Variants in ADGRB1 observed in about 807,000 individuals in gnomAD.
The protein encoded by ADGRB1 is brain-specific angiogenesis inhibitor 1.
Under a neutral mutation model 175.7 loss-of-function variants are expected in ADGRB1, and 36 were observed. That is an observed-to-expected ratio of 0.20 (90% confidence interval 0.16 to 0.27). ADGRB1 has a LOEUF of 0.27. Ranked by LOEUF, ADGRB1 falls within the 10% of genes least tolerant of loss-of-function variation. The pLI is 1.00. For missense variants in ADGRB1, 1,731 were observed against 2,255.3 expected (o/e 0.77, Z 4.71); for synonymous variants, 1,054 against 979.4 (o/e 1.08, Z -1.42).
chr8:142,462,626 C>A (rs930174356), intron 1 of ADGRB1, among the ~76,000 whole-genome samples: 1 of 152,254 alleles, frequency 6.6e-6, no homozygotes. Context: ...CCTTGTCTTG[C>A]CAGCCAGCTG....
intron 19 of ADGRB1, among the ~76,000 whole-genome samples, chr8:142,519,663 A>G (rs1303989665): frequency 5.6e-4 from 61 of 109,476 alleles, no homozygotes; most frequent in Admixed American, 2.7e-3. Flanking sequence ...GGTGATGATG[A>G]TGGTAGTGGT....
chr8:142,512,850 G>A (rs1377467030), intron 18 of ADGRB1, among the ~76,000 whole-genome samples: 1 of 152,194 alleles, frequency 6.6e-6, no homozygotes, highest in Non-Finnish European at 1.5e-5. Flanking sequence ...GGGCTGAAGG[G>A]GGTGCCCCTG....
At chr8:142,479,953 C>T (rs1336657746) in intron 9 of ADGRB1, among the ~76,000 whole-genome samples, 159 bp downstream of exon 9, 1 of 152,230 alleles carries the variant, frequency 6.6e-6, no homozygotes, top group Non-Finnish European at 1.5e-5. Flanking sequence ...GCCCAGGGCA[C>T]CGTGTGAGAA....
chr8:142,524,344 TG>T (rs756258137), intron 23 of ADGRB1, 40 bp downstream of exon 23: 2 of 1,546,354 alleles, frequency 1.3e-6, no homozygotes, highest in South Asian at 2.4e-5. Context: ...CGACCCCACC[TG>T]GGCCCCCCAC....
intron 17 of ADGRB1, among the ~76,000 whole-genome samples, chr8:142,498,928 G>A (rs7386201): frequency 0.62 from 94,812 of 152,128 alleles, 32,671 homozygotes; most frequent in East Asian, 0.8. Context: ...AGACCTCTGT[G>A]CCACTGCCTC....
intron 24 of ADGRB1, among the ~76,000 whole-genome samples, chr8:142,529,061 G>C (rs574412270): frequency 6.6e-6 from 1 of 152,378 alleles, no homozygotes; most frequent in South Asian, 2.1e-4. Context: ...GATGGCTGAT[G>C]CCTGGGCAGG....
chr8:142,542,623 C>A lies in ADGRB1; in HGVS notation c.4389C>A (p.Ala1463=). The A allele has an allele frequency of 6.4e-7, 1 of 1,552,370 alleles. No homozygotes were observed. The highest frequency in any genetic ancestry group is 1.9e-5 in the Admixed American group (1 of 51,808). The change falls in exon 28 of 31, where the codon GCC becomes GCA. Residue 1463 remains alanine (A), a synonymous_variant. Transcript: ENST00000517894. This position sits in a 1 kb window ranked among gnomAD's most constrained non-coding sequence, Gnocchi z 6.3. The part of the protein sequence containing the change: ...TGPSTKNENV[A]TLSVSSLERR... ...CCAGCACCAAGAACGAGAATGTCGCCACCTTGTCTGTGAGCTCCCTGGAGG... is the reference window on the plus strand; with the variant it reads ...CCAGCACCAAGAACGAGAATGTCGCAACCTTGTCTGTGAGCTCCCTGGAGG...
intron 27 of ADGRB1, among the ~76,000 whole-genome samples, chr8:142,541,394 A>G (rs998995342): frequency 1.3e-5 from 2 of 152,104 alleles, no homozygotes; most frequent in Admixed American, 6.5e-5. Context: ...GGCGGCCCTC[A>G]GGGCAGAGCA....
At position 142,466,188 on chromosome 8, in the gene ADGRB1, C is replaced by A. The variant is rs541498272; in HGVS notation, c.784+1206C>A. On this transcript the variant is annotated intron_variant, in intron 2 of 30. Coordinates refer to ENST00000517894, the MANE Select transcript of ADGRB1 (RefSeq NM_001702.3). Reference sequence around the variant, plus strand: ...ATACATCGGGTGTTCGGGGGTGAGGCTGGGCTGTATACTCAAGGCTGGAGG... The same window carrying A: ...ATACATCGGGTGTTCGGGGGTGAGGATGGGCTGTATACTCAAGGCTGGAGG... Among the ~76,000 whole-genome samples, 6 of 152,238 alleles carry A rather than the reference C, an allele frequency of 3.9e-5. No homozygotes were observed. The South Asian group carries it at 1.2e-3, about 32-fold the overall frequency.
At chr8:142,469,665 G>A (rs998517773) in intron 2 of ADGRB1, among the ~76,000 whole-genome samples, 39 of 151,616 alleles carry the variant, frequency 2.6e-4, no homozygotes, top group African/African-American at 9.5e-4. Flanking sequence ...GCAAGTGCGT[G>A]TGTGTGCACG....
At chr8:142,466,454 G>A (rs1366385729) in intron 2 of ADGRB1, among the ~76,000 whole-genome samples, 1 of 152,226 alleles carries the variant, frequency 6.6e-6, no homozygotes, top group Non-Finnish European at 1.5e-5. Flanking sequence ...AGGAAGGAGG[G>A]ACAGGCGTGA....
chr8:142,465,046 A>C, intron 2 of ADGRB1, 64 bp downstream of exon 2: 3 of 274,260 alleles, frequency 1.1e-5, no homozygotes, highest in Non-Finnish European at 1.6e-5. Flanking sequence ...GCGGGCAGAC[A>C]GGGGAGGCGG....
At position 142,511,869 on chromosome 8, in the gene ADGRB1, C is replaced by T. The variant is rs1481444354; in HGVS notation, c.2817+796C>T. ...CCTTGGGCGTGTGCTCACCAAGTAA[C>T]CTCCGCCCAGACCTCGTGTGGAAGC... On this transcript the variant is annotated intron_variant, in intron 18 of 30. Transcript: ENST00000517894. This position sits in a 1 kb window ranked among gnomAD's most constrained non-coding sequence, Gnocchi z 4.5. Among the ~76,000 whole-genome samples the T allele has an allele frequency of 3.3e-5, 5 of 152,210 alleles. No individual in the cohort carries two copies. Among genetic ancestry groups the T allele is most frequent in the Non-Finnish European group, 7.3e-5 (5 of 68,030 alleles).
At chr8:142,486,154 C>G (rs995032630) in intron 13 of ADGRB1, among the ~76,000 whole-genome samples, 7 of 152,220 alleles carry the variant, frequency 4.6e-5, no homozygotes, top group African/African-American at 1.4e-4. Context: ...CAGCTGTGCT[C>G]AGCCTCACTC....
At chr8:142,500,489 G>A (rs1268949896) in intron 17 of ADGRB1, among the ~76,000 whole-genome samples, 1 of 150,896 alleles carries the variant, frequency 6.6e-6, no homozygotes, top group Non-Finnish European at 1.5e-5. Flanking sequence ...GAGGGCATGT[G>A]GAGGGGCGGC....
At chr8:142,472,389 G>C (rs895488157) in intron 2 of ADGRB1, among the ~76,000 whole-genome samples, 1 of 152,178 alleles carries the variant, frequency 6.6e-6, no homozygotes, top group Non-Finnish European at 1.5e-5. Flanking sequence ...GGCATTGAGT[G>C]GGGGAAGAAA....
intron 19 of ADGRB1, among the ~76,000 whole-genome samples, chr8:142,518,500 C>T (rs1159092001): frequency 1.3e-5 from 2 of 152,166 alleles, no homozygotes. Context: ...CTCCCCTGAA[C>T]GTGCCCCCTT....
At position 142,464,397 on chromosome 8, in the gene ADGRB1, C is replaced by T. The variant is rs1266484333; in HGVS notation, c.199C>T (p.Arg67Cys). ...AAAVFPANAS[R>C]CSWTLRNPDP... ...CGCCGTGTTCCCGGCCAACGCCTCG[C>T]GCTGCTCCTGGACGCTACGCAACCC... Residue 67 changes from arginine to cysteine, a missense_variant, in exon 2 of 31, where the codon CGC (arginine) becomes TGC (cysteine). By Grantham distance (180) the Arg-to-Cys change is radical (BLOSUM62 -3). Around this residue, in one of 8 missense-constraint regions of ADGRB1, gnomAD observed 383 missense variants for 383.1 expected, o/e 1.00. Coordinates refer to ENST00000517894, the MANE Select transcript of ADGRB1 (RefSeq NM_001702.3). 1 of 1,530,598 alleles carries T rather than the reference C, an allele frequency of 6.5e-7. No homozygotes were observed. The highest frequency in any genetic ancestry group is 1.4e-5 in the African/African-American group (1 of 70,432). 94.8% of individuals were successfully genotyped at this position (1,530,598 alleles called of 1,614,324 possible).
rs13267277 is a variant in ADGRB1 at position 142,524,109 on chromosome 8, G to C, written c.3246-129G>C. 4.9e-6 allele frequency: 5 copies of C among 1,019,476 alleles called. No individual in the cohort carries two copies. The East Asian group carries it at 7.8e-5, about 16-fold the overall frequency. 63.2% of individuals were successfully genotyped at this position (1,019,476 alleles called of 1,614,324 possible). ...GTGGGTGTGACCTGCCCTGCATGCCGAAGGCGCTTAATAAGTGCCAGTTTT... is the reference window on the plus strand; with the variant it reads ...GTGGGTGTGACCTGCCCTGCATGCCCAAGGCGCTTAATAAGTGCCAGTTTT... On this transcript the variant is annotated intron_variant, in intron 22 of 30. Transcript: ENST00000517894.
Sources: gnomAD v4.1 joint callset for allele counts (sites outside exome capture counted in the v4.1 genomes callset) on GRCh38, gnomAD v4.1.1 for gene constraint, gnomAD v4.1.1 regional missense constraint, Gnocchi (gnomAD v3.1) non-coding constraint, MANE v1.5 for transcripts, NCBI Gene and HGNC (gene_info 2026-07-23, HGNC 2026-07-21) for gene names.